Variants in PACSIN2 observed in about 807,000 individuals in gnomAD.
The protein encoded by PACSIN2 is protein kinase C and casein kinase substrate in neurons 2.
PACSIN2 carries 25 observed loss-of-function variants against 63.8 expected under a neutral mutation model. The ratio of observed to expected loss-of-function variants is 0.39; its 90% CI spans 0.29 to 0.55. The LOEUF (loss-of-function observed/expected upper bound fraction) is 0.55, where lower values mean the gene tolerates loss of function less well. PACSIN2 is among the 20% of genes least tolerant of loss of function. The pLI is 0.62. For synonymous variants in PACSIN2, 255 were observed against 256.2 expected, an observed-to-expected ratio of 1.00 and a Z score of 0.05; for missense variants, 518 against 646.9, an observed-to-expected ratio of 0.80 and a Z score of 2.16.
chr22:42,989,871 T>A (rs1330726051), intron 1 of PACSIN2, among the ~76,000 whole-genome samples: 24 of 56,674 alleles, frequency 4.2e-4, no homozygotes, highest in African/African-American at 7.8e-4. Flanking sequence ...AAAAAAAATA[T>A]ATATATATAT....
intron 1 of PACSIN2, among the ~76,000 whole-genome samples, chr22:42,984,207 A>C (rs1450559759): frequency 6.6e-6 from 1 of 151,928 alleles, no homozygotes; most frequent in Non-Finnish European, 1.5e-5. Context: ...CCCAAACTCA[A>C]GTAATCTGCC....
intron 1 of PACSIN2, among the ~76,000 whole-genome samples, chr22:42,996,193 C>T (rs183689589): frequency 1.3e-5 from 2 of 150,904 alleles, no homozygotes; most frequent in Admixed American, 1.3e-4. Flanking sequence ...GCACTCCAGG[C>T]TGGGCGACAG....
intron 1 of PACSIN2, among the ~76,000 whole-genome samples, chr22:42,953,413 C>T (rs545763844): frequency 1.3e-5 from 2 of 152,256 alleles, no homozygotes; most frequent in Admixed American, 6.5e-5. Context: ...TAAAAAATTA[C>T]ATGTCTATGC....
intron 1 of PACSIN2, among the ~76,000 whole-genome samples, chr22:42,983,963 A>C (rs1372389251): frequency 1.7e-5 from 2 of 118,220 alleles, no homozygotes; most frequent in African/African-American, 7.2e-5. Flanking sequence ...AGCACTTAGC[A>C]CTTTTTTTTT....
At chr22:42,961,316 AG>A (rs1212224774) in intron 1 of PACSIN2, among the ~76,000 whole-genome samples, 1 of 152,232 alleles carries the variant, frequency 6.6e-6, no homozygotes, top group African/African-American at 2.4e-5. Flanking sequence ...ACACTGCGGA[AG>A]GCCGCAGGGT....
intron 1 of PACSIN2, among the ~76,000 whole-genome samples, chr22:42,927,734 T>C (rs190605260): frequency 6.6e-6 from 1 of 151,698 alleles, no homozygotes; most frequent in Non-Finnish European, 1.5e-5. Flanking sequence ...ATTAGAAGCA[T>C]GCACCACCAC....
At position 42,963,902 on chromosome 22, in the gene PACSIN2, T is replaced by TAA. The variant is rs370197986; in HGVS notation, c.-78+51117_-78+51118dup. Reference sequence around the variant, plus strand: ...TCATCGCTCTAATACTATACTGCCTTAAAAAAAAAACAGCTTTATTGAGAT... The same window carrying TAA: ...TCATCGCTCTAATACTATACTGCCTTAAAAAAAAAAAACAGCTTTATTGAGAT... On this transcript the variant is annotated intron_variant, in intron 1 of 10. Transcript: ENST00000263246. Among the ~76,000 whole-genome samples the TAA allele has an allele frequency of 4.1e-5, 6 of 145,114 alleles. No individual in the cohort carries two copies. In the Admixed American group the frequency reaches 4.2e-4, roughly 10 times the overall value.
intron 1 of PACSIN2, among the ~76,000 whole-genome samples, chr22:42,923,272 T>C (rs949864643): frequency 6.6e-6 from 1 of 152,202 alleles, no homozygotes; most frequent in Admixed American, 6.5e-5. Context: ...CTTCAGTCTA[T>C]TCTCAACACG....
intron 1 of PACSIN2, among the ~76,000 whole-genome samples, chr22:42,912,790 G>A (rs907418213): frequency 2.0e-5 from 3 of 152,176 alleles, no homozygotes; most frequent in East Asian, 3.8e-4. Flanking sequence ...TGACCTGTCC[G>A]CAGCCGAGAT....
At chr22:42,888,602 C>T (rs761600120) in intron 5 of PACSIN2, 41 bp downstream of exon 5, 66 of 1,602,554 alleles carry the variant, frequency 4.1e-5, no homozygotes, top group Non-Finnish European at 4.0e-5. Context: ...CAACAACTGA[C>T]ACGGTGACAC....
At chr22:42,881,605 G>A (rs1008093384) in intron 7 of PACSIN2, among the ~76,000 whole-genome samples, 7 of 152,240 alleles carry the variant, frequency 4.6e-5, no homozygotes, top group African/African-American at 1.4e-4. Flanking sequence ...CCAAGGGCTA[G>A]GTGAGTCCTG....
rs1043042516 is a variant in PACSIN2, at chr22:42,947,919, GC to G, written c.-77-35763del. Reference sequence around the variant, plus strand: ...CAGCTCCTGAGCCCGTAAGCCAGGTGCCCCCACACTGGGGCACTCCATTCTC... The same window carrying G: ...CAGCTCCTGAGCCCGTAAGCCAGGTGCCCCACACTGGGGCACTCCATTCTC... On this transcript the variant is annotated intron_variant, in intron 1 of 10. Coordinates refer to ENST00000263246, the MANE Select transcript of PACSIN2 (RefSeq NM_001184970.3). Among the ~76,000 whole-genome samples the G allele has an allele frequency of 7.2e-5, 11 of 152,304 alleles. No individual in the cohort carries two copies. In the South Asian group the frequency reaches 1.7e-3, roughly 23 times the overall value.
At chr22:42,933,892 G>A (rs1031056487) in intron 1 of PACSIN2, among the ~76,000 whole-genome samples, 13 of 152,210 alleles carry the variant, frequency 8.5e-5, no homozygotes, top group African/African-American at 3.1e-4. Context: ...AGCAGACGAG[G>A]AAATATTATG....
intron 1 of PACSIN2, among the ~76,000 whole-genome samples, chr22:42,932,620 C>T (rs188156514): frequency 1.3e-5 from 2 of 152,028 alleles, no homozygotes; most frequent in African/African-American, 2.4e-5. Context: ...ATTTTACTCA[C>T]GAAGACCATA....
chr22:43,006,632 T>C (rs775143977), intron 1 of PACSIN2, among the ~76,000 whole-genome samples: 5 of 151,994 alleles, frequency 3.3e-5, no homozygotes, highest in Admixed American at 6.6e-5. Context: ...CTGGCCAACA[T>C]GGTAAAACCC....
intron 1 of PACSIN2, among the ~76,000 whole-genome samples, chr22:42,963,247 T>G (rs1920929317): frequency 6.6e-6 from 1 of 152,182 alleles, no homozygotes; most frequent in Admixed American, 6.5e-5. Flanking sequence ...ATAAATAAAA[T>G]GAGGGACATC....
In PACSIN2 at chr22:42,879,081, G is replaced by A. The variant is rs924254137; in HGVS notation, c.995C>T (p.Thr332Ile). Reference sequence around the variant, plus strand: ...CTTACTCGGCAGAGACTGGTCGCCTGTCTGGTTGATGCCCGTCAGGGTGAC... The same window carrying A: ...CTTACTCGGCAGAGACTGGTCGCCTATCTGGTTGATGCCCGTCAGGGTGAC... ...DGVTLTGINQ[T>I]GDQSLPSKPS... Residue 332 changes from threonine to isoleucine, a missense_variant, in exon 8 of 11, where the codon ACA becomes ATA. Thr to Ile is a moderately conservative substitution (Grantham distance 89). This residue lies in a region of PACSIN2 where 507 missense variants were observed against 612.3 expected (regional missense o/e 0.83). Transcript: ENST00000263246. 1.2e-6 allele frequency: 2 copies of A among 1,614,120 alleles called. No homozygotes were observed. The highest frequency in any genetic ancestry group is 3.3e-4 in the Middle Eastern group (2 of 6,058).
intron 1 of PACSIN2, among the ~76,000 whole-genome samples, chr22:43,007,219 CTTTTTT>C (rs532308992): frequency 7.3e-6 from 1 of 137,876 alleles, no homozygotes; most frequent in East Asian, 2.1e-4. Context: ...ACCTCTTGTT[CTTTTTT>C]TTTTTTTTTT....
intron 1 of PACSIN2, among the ~76,000 whole-genome samples, chr22:42,920,779 C>T (rs990686012): frequency 1.4e-5 from 2 of 140,138 alleles, no homozygotes; most frequent in African/African-American, 5.3e-5. Flanking sequence ...GGTCAATTAT[C>T]ATGAATTATC....
Sources: gnomAD v4.1 joint callset for allele counts (sites outside exome capture counted in the v4.1 genomes callset) on GRCh38, gnomAD v4.1.1 for gene constraint, gnomAD v4.1.1 regional missense constraint, MANE v1.5 for transcripts, NCBI Gene and HGNC (gene_info 2026-07-23, HGNC 2026-07-21) for gene names.